Variants in FSHR observed in about 807,000 individuals in gnomAD.
The protein encoded by FSHR is follicle-stimulating hormone receptor.
Under a neutral mutation model 52.1 loss-of-function variants are expected in FSHR, and 46 were observed. The observed-to-expected ratio is 0.88, with a 90% CI of 0.70 to 1.13. FSHR has a LOEUF of 1.13. Ranked by LOEUF, FSHR falls within the 50% of genes most tolerant of loss-of-function variation. The pLI, the probability that FSHR is intolerant of heterozygous loss-of-function variation, is 0.00. For synonymous variants in FSHR, 399 were observed against 309.6 expected, an observed-to-expected ratio of 1.29 and a Z score of -3.03; for missense variants, 964 against 834.6, an observed-to-expected ratio of 1.16 and a Z score of -1.91.
In FSHR at chr2:48,962,727, T is replaced by C; in HGVS notation, c.*6A>G. 1.9e-6 allele frequency: 3 copies of C among 1,612,322 alleles called. No individual in the cohort carries two copies. Among genetic ancestry groups the C allele is most frequent in the Non-Finnish European group, 2.5e-6 (3 of 1,178,354 alleles). On this transcript the variant is annotated 3_prime_UTR_variant, in exon 10 of 10. Coordinates refer to ENST00000406846, the MANE Select transcript of FSHR (RefSeq NM_000145.4). ...TCAATACTCAGATACATTTTCACATTGTGTTTTAGTTTTGGGCTAAATGAC... is the reference window on the plus strand; with the variant it reads ...TCAATACTCAGATACATTTTCACATCGTGTTTTAGTTTTGGGCTAAATGAC...
intron 4 of FSHR, chr2:49,014,833 A>C: frequency 2.2e-6 from 1 of 451,500 alleles, no homozygotes; most frequent in Non-Finnish European, 4.5e-6. Context: ...TTTATGAATG[A>C]AAGTGTCTCT....
At chr2:49,126,988 C>G (rs915398444) in intron 1 of FSHR, among the ~76,000 whole-genome samples, 2 of 152,104 alleles carry the variant, frequency 1.3e-5, no homozygotes, top group East Asian at 1.9e-4. Flanking sequence ...TTTGGGAAAA[C>G]TCAGTGGAAA....
chr2:48,995,689 A>G (rs1434038138), intron 4 of FSHR, among the ~76,000 whole-genome samples: 1 of 152,130 alleles, frequency 6.6e-6, no homozygotes, highest in Admixed American at 6.6e-5. Flanking sequence ...CCATGTTTTC[A>G]CCAGCCCATC....
chr2:48,984,707 C>T (rs905867290), intron 6 of FSHR, among the ~76,000 whole-genome samples: 1 of 151,994 alleles, frequency 6.6e-6, no homozygotes, highest in Non-Finnish European at 1.5e-5. Flanking sequence ...CTGGATTTGG[C>T]CTCTGGGTTA....
rs766665626 is a variant in FSHR at position 48,963,342 on chromosome 2, GC to G, written c.1478del (p.Gly493AlafsTer20). The G allele has an allele frequency of 4.3e-6, 7 of 1,614,006 alleles. No individual in the cohort carries two copies. In the Admixed American group the frequency reaches 5.0e-5, roughly 12 times the overall value. ...GGGCAGCTGCAAAAGCAAAAATCCA[GC>G]CCATCACCATGACACTGGCAGCATG... ...LRHAASVMVM[G>X]WIFAFAAALF... On this transcript the variant is annotated frameshift_variant, in exon 10 of 10. Transcript: ENST00000406846. LOFTEE classifies it high-confidence loss of function.
At chr2:49,008,290 T>C (rs892006556) in intron 4 of FSHR, among the ~76,000 whole-genome samples, 3 of 137,944 alleles carry the variant, frequency 2.2e-5, no homozygotes, top group Admixed American at 1.5e-4. Flanking sequence ...GGTTTTTTGT[T>C]CTTGCGATAG....
At chr2:49,067,360 G>A (rs569055913) in intron 2 of FSHR, among the ~76,000 whole-genome samples, 2 of 152,094 alleles carry the variant, frequency 1.3e-5, no homozygotes, top group South Asian at 4.2e-4. Context: ...GGATATAAAA[G>A]AACCAAAAAG....
Position 49,068,029 on chromosome 2 carries a change from G to A in FSHR, c.224+190C>T, listed in dbSNP as rs72822006. Reference sequence around the variant, plus strand: ...GGATTGCTCTTTTGCTCATTTCAATGGCCTCAGTGAAAGACTCCACACTAT... The same window carrying A: ...GGATTGCTCTTTTGCTCATTTCAATAGCCTCAGTGAAAGACTCCACACTAT... On this transcript the variant is annotated intron_variant, in intron 2 of 9. Coordinates refer to ENST00000406846, the MANE Select transcript of FSHR (RefSeq NM_000145.4). Among the ~76,000 whole-genome samples the A allele has an allele frequency of 0.066, 9,909 of 150,832 alleles. 501 individuals are homozygous for A. Among genetic ancestry groups the A allele is most frequent in the East Asian group, 0.21 (1,084 of 5,108 alleles).
chr2:49,033,131 T>A (rs1382336515), intron 2 of FSHR, among the ~76,000 whole-genome samples: 2 of 152,252 alleles, frequency 1.3e-5, no homozygotes, highest in African/African-American at 4.8e-5. Context: ...CATAGCAACT[T>A]GCTTTCCAAT....
chr2:49,044,311 G>C (rs1668581631), intron 2 of FSHR, among the ~76,000 whole-genome samples: 1 of 152,120 alleles, frequency 6.6e-6, no homozygotes, highest in Admixed American at 6.6e-5. Context: ...GTTTATTACT[G>C]TTTCTTCCAG....
At chr2:49,049,280 A>C (rs1295880138) in intron 2 of FSHR, among the ~76,000 whole-genome samples, 1 of 152,216 alleles carries the variant, frequency 6.6e-6, no homozygotes, top group Non-Finnish European at 1.5e-5. Context: ...TGCTTTGTCA[A>C]GGAGAGTCCA....
intron 4 of FSHR, among the ~76,000 whole-genome samples, chr2:49,014,355 A>G (rs1283848958): frequency 6.6e-6 from 1 of 152,116 alleles, no homozygotes; most frequent in Non-Finnish European, 1.5e-5. Context: ...TTGATACAGG[A>G]CTGAGGACTA....
intron 2 of FSHR, among the ~76,000 whole-genome samples, chr2:49,057,282 A>C (rs1423043502): frequency 6.6e-6 from 1 of 152,188 alleles, no homozygotes; most frequent in Non-Finnish European, 1.5e-5. Context: ...AGACTAAGAA[A>C]AAATGGGAGA....
chr2:49,083,943 G>T (rs1415961703), intron 1 of FSHR, among the ~76,000 whole-genome samples: 1 of 151,854 alleles, frequency 6.6e-6, no homozygotes, highest in Non-Finnish European at 1.5e-5. Context: ...CAACGAGACA[G>T]AAAGTCAAAA....
chr2:49,144,039 G>C (rs1456680967), intron 1 of FSHR, among the ~76,000 whole-genome samples: 1 of 152,114 alleles, frequency 6.6e-6, no homozygotes, highest in African/African-American at 2.4e-5. Flanking sequence ...TTATTCTTTA[G>C]AGAGCATAAA....
intron 2 of FSHR, among the ~76,000 whole-genome samples, chr2:49,038,937 C>G (rs1198762357): frequency 6.6e-6 from 1 of 152,062 alleles, no homozygotes; most frequent in Admixed American, 6.6e-5. Context: ...GTAATGATAA[C>G]ATTTCAAACC....
intron 2 of FSHR, among the ~76,000 whole-genome samples, chr2:49,062,975 T>C (rs186743015): frequency 1.3e-5 from 2 of 152,140 alleles, no homozygotes; most frequent in African/African-American, 4.8e-5. Flanking sequence ...CTCTACACTG[T>C]TGGTGGGAAT....
At chr2:49,149,636 C>T (rs1259460328) in intron 1 of FSHR, among the ~76,000 whole-genome samples, 1 of 151,996 alleles carries the variant, frequency 6.6e-6, no homozygotes, top group East Asian at 1.9e-4. Flanking sequence ...CCTTTTTGTA[C>T]ACGATTGATA....
chr2:49,052,937 A>G (rs780522021), intron 2 of FSHR, among the ~76,000 whole-genome samples: 1 of 152,190 alleles, frequency 6.6e-6, no homozygotes, highest in Non-Finnish European at 1.5e-5. Flanking sequence ...GTGAGCCTGA[A>G]GAACTGAGAA....
Sources: gnomAD v4.1 joint callset for allele counts (sites outside exome capture counted in the v4.1 genomes callset) on GRCh38, gnomAD v4.1.1 for gene constraint, MANE v1.5 for transcripts, NCBI Gene and HGNC (gene_info 2026-07-23, HGNC 2026-07-21) for gene names.